PSD3: variants seen among roughly 807,000 people sequenced by gnomAD.
PSD3 encodes the protein pleckstrin and Sec7 domain containing 3.
A neutral mutation model predicts 105.5 loss-of-function variants in PSD3; 49 were observed. The ratio of observed to expected loss-of-function variants is 0.46; its 90% CI spans 0.37 to 0.59. The LOEUF (loss-of-function observed/expected upper bound fraction) is 0.59, where lower values mean the gene tolerates loss of function less well. Ranked by LOEUF, PSD3 falls within the 20% of genes least tolerant of loss-of-function variation. PSD3 has a pLI of 0.00. For synonymous variants in PSD3, 557 were observed against 457.8 expected (o/e 1.22, Z -2.77); for missense variants, 1,561 against 1,263.8 (o/e 1.24, Z -3.57).
chr8:18,852,363 A>G (rs1815655169), intron 4 of PSD3, among the ~76,000 whole-genome samples: 1 of 152,206 alleles, frequency 6.6e-6, no homozygotes, highest in Non-Finnish European at 1.5e-5. Flanking sequence ...CAATCTAGGA[A>G]TACAGACAAG....
chr8:18,649,273 C>T (rs955321358), intron 10 of PSD3, among the ~76,000 whole-genome samples: 5 of 152,166 alleles, frequency 3.3e-5, no homozygotes, highest in African/African-American at 1.2e-4. Flanking sequence ...GCAGAGCTGC[C>T]CAAGGCCTTG....
chr8:18,937,607 A>G (rs1004682152), intron 1 of PSD3, among the ~76,000 whole-genome samples: 2 of 152,210 alleles, frequency 1.3e-5, no homozygotes, highest in African/African-American at 4.8e-5. Flanking sequence ...AAAGAGCTCC[A>G]CAATCACTTA....
At chr8:18,831,675 T>C (rs190424541) in intron 4 of PSD3, among the ~76,000 whole-genome samples, 72 of 152,318 alleles carry the variant, frequency 4.7e-4, no homozygotes, top group Middle Eastern at 3.4e-3. Context: ...TAAGCTGAGA[T>C]GGCACCATTG....
chr8:18,748,561 G>A (rs1805211398), intron 9 of PSD3, among the ~76,000 whole-genome samples: 1 of 151,346 alleles, frequency 6.6e-6, no homozygotes, highest in Non-Finnish European at 1.5e-5. Context: ...TCAGGAGGCT[G>A]AGGCAGGAGA....
intron 1 of PSD3, among the ~76,000 whole-genome samples, chr8:19,082,513 T>A (rs1012424920): frequency 2.0e-5 from 3 of 152,298 alleles, no homozygotes; most frequent in African/African-American, 7.2e-5. Context: ...GGCTTCTAAC[T>A]TTTTAGCCAG....
intron 9 of PSD3, among the ~76,000 whole-genome samples, chr8:18,752,579 A>ATATATAT (rs1490619013): frequency 2.2e-4 from 17 of 75,934 alleles, no homozygotes; most frequent in African/African-American, 5.0e-4. Context: ...ATATATAATT[A>ATATATAT]TATATATTAT....
At chr8:18,909,183 A>T (rs972067089) in intron 2 of PSD3, among the ~76,000 whole-genome samples, 3 of 152,198 alleles carry the variant, frequency 2.0e-5, no homozygotes, top group African/African-American at 7.2e-5. Context: ...AGCCATCCCT[A>T]TTAATTTGCT....
At chr8:18,839,770 G>A (rs1814454444) in intron 4 of PSD3, among the ~76,000 whole-genome samples, 1 of 152,172 alleles carries the variant, frequency 6.6e-6, no homozygotes, top group African/African-American at 2.4e-5. Context: ...ATCACGCAAA[G>A]CAACACTTGG....
At chr8:18,838,010 T>A (rs1814267191) in intron 4 of PSD3, among the ~76,000 whole-genome samples, 1 of 152,184 alleles carries the variant, frequency 6.6e-6, no homozygotes, top group Admixed American at 6.5e-5. Context: ...ATACCTGTCG[T>A]GTACAGACAC....
chr8:18,575,046 C>A (rs1262626408), intron 13 of PSD3, 82 bp downstream of exon 13: 5 of 1,412,506 alleles, frequency 3.5e-6, no homozygotes, highest in Non-Finnish European at 4.7e-6. Flanking sequence ...ATTTCCCCTG[C>A]AGAGCTTGAT....
At chr8:18,690,319 A>T (rs1238106858) in intron 9 of PSD3, among the ~76,000 whole-genome samples, 1 of 152,236 alleles carries the variant, frequency 6.6e-6, no homozygotes, top group Non-Finnish European at 1.5e-5. Context: ...TCCATGCGGT[A>T]ACATGACTAC....
At chr8:19,078,923 A>C (rs1378865816) in intron 1 of PSD3, among the ~76,000 whole-genome samples, 1 of 151,218 alleles carries the variant, frequency 6.6e-6, no homozygotes, top group Non-Finnish European at 1.5e-5. Flanking sequence ...GAGATGAAAA[A>C]CAAGACCTAT....
chr8:19,002,903 C>T (rs1271535475), intron 1 of PSD3, among the ~76,000 whole-genome samples: 1 of 151,964 alleles, frequency 6.6e-6, no homozygotes, highest in East Asian at 1.9e-4. Flanking sequence ...ACAAGAAAGT[C>T]CAGTTTTGCC....
At chr8:18,682,460 T>C (rs1373596685) in intron 9 of PSD3, among the ~76,000 whole-genome samples, 1 of 152,190 alleles carries the variant, frequency 6.6e-6, no homozygotes, top group Non-Finnish European at 1.5e-5. Flanking sequence ...GGTGGTCTCA[T>C]AACACTTTCA....
At chr8:18,980,369 GGTCACCTCTT>G in intron 1 of PSD3, among the ~76,000 whole-genome samples, 1 of 152,132 alleles carries the variant, frequency 6.6e-6, no homozygotes, top group East Asian at 1.9e-4. Context: ...CTTATCTTAT[GGTCACCTCTT>G]GTCATTTCTC....
At chr8:18,816,351 ACCATT>A (rs1181873063) in intron 4 of PSD3, among the ~76,000 whole-genome samples, 3 of 152,172 alleles carry the variant, frequency 2.0e-5, no homozygotes, top group Admixed American at 6.5e-5. Flanking sequence ...CTTTGCCATG[ACCATT>A]CTGCCAGCAG....
At chr8:18,776,859 T>C (rs1288345985) in intron 8 of PSD3, among the ~76,000 whole-genome samples, 1 of 152,190 alleles carries the variant, frequency 6.6e-6, no homozygotes, top group East Asian at 1.9e-4. Context: ...TGGTAGTTTG[T>C]ATGTTTCTAA....
At chr8:18,912,273 A>G (rs1011455374) in intron 2 of PSD3, among the ~76,000 whole-genome samples, 1 of 152,218 alleles carries the variant, frequency 6.6e-6, no homozygotes, top group Non-Finnish European at 1.5e-5. Flanking sequence ...AAAGAACAAA[A>G]GAGTATTAAC....
intron 9 of PSD3, among the ~76,000 whole-genome samples, chr8:18,681,329 GGGT>G (rs1278823784): frequency 6.6e-6 from 1 of 151,816 alleles, no homozygotes; most frequent in Admixed American, 6.6e-5. Flanking sequence ...AATACCAGCT[GGGT>G]GCAGTAGCTC....
Sources: allele counts gnomAD v4.1 joint callset (sites outside exome capture counted in the v4.1 genomes callset), GRCh38; gene constraint gnomAD v4.1.1; transcripts MANE v1.5; gene names NCBI Gene and HGNC (gene_info 2026-07-23, HGNC 2026-07-21).